REPS2: variants seen among roughly 807,000 people sequenced by gnomAD.
REPS2 encodes the protein RALBP1 associated Eps domain containing 2.
Under a neutral mutation model 53.6 loss-of-function variants are expected in REPS2, and 23 were observed. That is an observed-to-expected ratio of 0.43 (90% confidence interval 0.31 to 0.61). The LOEUF is 0.61. Ranked by LOEUF, REPS2 falls within the 20% of genes least tolerant of loss-of-function variation. The pLI is 0.11. For missense variants in REPS2, 446 were observed against 534.9 expected (o/e 0.83, Z 1.64); for synonymous variants, 238 against 218.6 (o/e 1.09, Z -0.78).
Position 17,093,166 on chromosome X carries a change from C to CTATATATATATATA in REPS2, c.1517-10531_1517-10518dup, listed in dbSNP as rs58530978. 1.4e-3 allele frequency among the ~76,000 whole-genome samples: 53 copies of CTATATATATATATA among 39,096 alleles called. 1 individual carries two copies. The highest frequency in any genetic ancestry group is 0.011 in the South Asian group (5 of 458). 34.0% of individuals were successfully genotyped at this position (39,096 alleles called of 115,157 possible). A position where few individuals can be genotyped will look rare whatever the true frequency, so the allele number is the denominator to read the frequency against. ...ACAAGGAAAAATGCATGAGTTAATG[C>CTATATATATATATA]TATATATATATATATATATATATAT... is the stretch of plus-strand genomic sequence containing the variant. On this transcript the variant is annotated intron_variant, in intron 13 of 17. Transcript: ENST00000357277.
At position 16,947,040 on chromosome X, in the gene REPS2, C is replaced by T. The variant is rs747915100; in HGVS notation, c.179C>T (p.Ala60Val). The T allele has an allele frequency of 3.4e-3, 3,354 of 998,160 alleles. 10 individuals are homozygous for T. Among genetic ancestry groups the T allele is most frequent in the Admixed American group, 4.5e-3 (91 of 20,344 alleles). The allele number at this position is 998,160 out of a possible 1,213,427, so 82.3% of individuals were successfully genotyped here. A position where few individuals can be genotyped will look rare whatever the true frequency, so the allele number is the denominator to read the frequency against. Residue 60 changes from alanine (A) to valine (V), a missense_variant, in exon 1 of 18, where the codon GCC becomes GTC. Transcript: ENST00000357277. ...GGCCCCGGGTCTGGGCCCCCCGAGG[C>T]CGCCAGAGTCGCCCCCGGCACGGCC... ...GGGPGSGPPE[A>V]ARVAPGTATA...
intron 14 of REPS2, among the ~76,000 whole-genome samples, chrX:17,131,920 TC>T (rs2063297379): frequency 9.1e-6 from 1 of 109,516 alleles, no homozygotes; most frequent in Non-Finnish European, 1.9e-5. Context: ...TTTTTTTTTT[TC>T]CCAAACTGTG....
the REPS2 span, among the ~76,000 whole-genome samples, chrX:17,170,603 A>G: frequency 8.9e-6 from 1 of 112,566 alleles, no homozygotes; most frequent in African/African-American, 3.2e-5. Flanking sequence ...CCTTTCTGCC[A>G]TGCACTACTG....
intron 5 of REPS2, among the ~76,000 whole-genome samples, chrX:17,041,397 G>C (rs769723159): frequency 8.9e-6 from 1 of 111,733 alleles, no homozygotes; most frequent in South Asian, 3.7e-4. Flanking sequence ...TTGCTTCTGT[G>C]ACTTTTTTTT....
chrX:16,974,123 C>G (rs1354983850), intron 1 of REPS2, among the ~76,000 whole-genome samples: 1 of 111,356 alleles, frequency 9.0e-6, no homozygotes, highest in Non-Finnish European at 1.9e-5. Context: ...AATATCAGTA[C>G]TTTAGTATGC....
At chrX:16,989,594 A>C (rs2061136849) in intron 1 of REPS2, among the ~76,000 whole-genome samples, 1 of 112,439 alleles carries the variant, frequency 8.9e-6, no homozygotes, top group South Asian at 3.7e-4. Flanking sequence ...TTAACAGTAG[A>C]AAACAACCCA....
At chrX:17,153,766 G>T (rs188702928), downstream of REPS2, among the ~76,000 whole-genome samples, 31 of 111,084 alleles carry the variant, frequency 2.8e-4, no homozygotes, top group Admixed American at 5.7e-4. Context: ...GAATGCAAAT[G>T]GTGGGCTACA....
chrX:17,012,146 G>A (rs2061437160), intron 2 of REPS2, among the ~76,000 whole-genome samples: 2 of 110,187 alleles, frequency 1.8e-5, no homozygotes, highest in South Asian at 7.8e-4. Flanking sequence ...TTGGGAGGCC[G>A]AGGAGGGTGG....
intron 1 of REPS2, among the ~76,000 whole-genome samples, chrX:16,999,122 A>G (rs2061267828): frequency 8.9e-6 from 1 of 112,325 alleles, no homozygotes; most frequent in African/African-American, 3.2e-5. Flanking sequence ...GTATGGATCA[A>G]CCACAATTGA....
At chrX:17,189,386 A>G in the REPS2 span, among the ~76,000 whole-genome samples, 1 of 109,149 alleles carries the variant, frequency 9.2e-6, no homozygotes, top group Admixed American at 9.8e-5. Context: ...CCCGGGTTCA[A>G]GCAATTCTCT....
chrX:17,050,194 C>CTTTCTTTCTTTTCT (rs1223989029), intron 6 of REPS2, among the ~76,000 whole-genome samples: 8 of 51,758 alleles, frequency 1.5e-4, no homozygotes, highest in Admixed American at 3.4e-4. Context: ...TTCTTTCTTT[C>CTTTCTTTCTTTTCT]TTTTTTTTTT....
chrX:16,999,368 ATTTTTTTTTTTTT>A (rs1162932789), intron 1 of REPS2, among the ~76,000 whole-genome samples: 1 of 62,733 alleles, frequency 1.6e-5, no homozygotes, highest in Non-Finnish European at 3.0e-5. Context: ...GATGTTCCTG[ATTTTTTTTTTTTT>A]TTTTTTTTTT....
At chrX:16,947,521 G>T (rs1459886298) in intron 1 of REPS2, among the ~76,000 whole-genome samples, 1 of 111,897 alleles carries the variant, frequency 8.9e-6, no homozygotes, top group Non-Finnish European at 1.9e-5. Flanking sequence ...TCCCTCTCCT[G>T]AGTGGGTTCT....
intron 14 of REPS2, among the ~76,000 whole-genome samples, chrX:17,128,066 G>A (rs2063239174): frequency 1.8e-5 from 2 of 111,837 alleles, no homozygotes; most frequent in South Asian, 7.6e-4. Flanking sequence ...AGACAACAAG[G>A]AGGAGCATAC....
intron 8 of REPS2, 77 bp downstream of exon 8, chrX:17,055,027 T>C: frequency 1.0e-6 from 1 of 982,904 alleles, no homozygotes; most frequent in Non-Finnish European, 1.4e-6. Flanking sequence ...TTCCTGACTT[T>C]TTAATGATTG....
At chrX:17,184,363 A>AT in the REPS2 span, among the ~76,000 whole-genome samples, 1 of 104,351 alleles carries the variant, frequency 9.6e-6, no homozygotes, top group Non-Finnish European at 2.0e-5. Context: ...TGAACTCATC[A>AT]TTTTTTATGG....
At chrX:17,030,441 T>C (rs1569136792) in intron 5 of REPS2, among the ~76,000 whole-genome samples, 1 of 110,950 alleles carries the variant, frequency 9.0e-6, no homozygotes, top group Non-Finnish European at 1.9e-5. Flanking sequence ...AGGAACATTT[T>C]TGCACAGGCA....
At chrX:17,097,553 A>G (rs1462048444) in intron 13 of REPS2, among the ~76,000 whole-genome samples, 1 of 112,316 alleles carries the variant, frequency 8.9e-6, no homozygotes, top group Non-Finnish European at 1.9e-5. Flanking sequence ...AGAACAAGAT[A>G]TGCCCAAAGA....
intron 13 of REPS2, among the ~76,000 whole-genome samples, chrX:17,091,804 A>G (rs987722832): frequency 8.9e-6 from 1 of 111,993 alleles, no homozygotes; most frequent in East Asian, 2.8e-4. Flanking sequence ...ACATGCTTTT[A>G]TGATTAGAAA....
Sources: allele counts gnomAD v4.1 joint callset (sites outside exome capture counted in the v4.1 genomes callset), GRCh38; gene constraint gnomAD v4.1.1; transcripts MANE v1.5; gene names NCBI Gene and HGNC (gene_info 2026-07-23, HGNC 2026-07-21).